NFATC2: variants seen among roughly 807,000 people sequenced by gnomAD.
NFATC2 encodes nuclear factor of activated T-cells, cytoplasmic 2.
NFATC2 carries 22 observed loss-of-function variants against 87.3 expected under a neutral mutation model. That is an observed-to-expected ratio of 0.25 (90% confidence interval 0.18 to 0.36). The LOEUF (loss-of-function observed/expected upper bound fraction) is 0.36, where lower values mean the gene tolerates loss of function less well. NFATC2 is among the 10% of genes least tolerant of loss of function. The pLI is 1.00. For missense variants in NFATC2, 1,149 were observed against 1,259.1 expected, an observed-to-expected ratio of 0.91 and a Z score of 1.32; for synonymous variants, 565 against 542.2, an observed-to-expected ratio of 1.04 and a Z score of -0.58.
chr20:51,542,045 G>C (rs1317314764), intron 1 of NFATC2, among the ~76,000 whole-genome samples: 4 of 152,164 alleles, frequency 2.6e-5, no homozygotes, highest in Non-Finnish European at 5.9e-5. Context: ...TGACAGCCCA[G>C]TCCCAGGCAA....
At chr20:51,518,911 C>A (rs950192209) in intron 2 of NFATC2, among the ~76,000 whole-genome samples, 1 of 152,196 alleles carries the variant, frequency 6.6e-6, no homozygotes, top group Non-Finnish European at 1.5e-5. Context: ...AACTATCCTC[C>A]TGCTTCAGCC....
chr20:51,525,805 CTGTT>C (rs2076535215), intron 1 of NFATC2, among the ~76,000 whole-genome samples: 1 of 152,104 alleles, frequency 6.6e-6, no homozygotes, highest in South Asian at 2.1e-4. Flanking sequence ...CTCTGTCAGT[CTGTT>C]TGTCACGCAG....
chr20:51,523,395 G>A lies in NFATC2; in HGVS notation c.846C>T (p.His282=), dbSNP rs759871951. 22 of 1,610,106 alleles carry A rather than the reference G, an allele frequency of 1.4e-5. No homozygotes were observed. The highest frequency in any genetic ancestry group is 1.9e-5 in the Non-Finnish European group (22 of 1,178,036). The change falls in exon 2 of 11, where the codon CAC becomes CAT. Residue 282 remains histidine, a synonymous_variant. Transcript: ENST00000371564. This position sits in a 1 kb window ranked among gnomAD's most constrained non-coding sequence, Gnocchi z 6.9. ...SRSPSPQPSS[H]VAPQDHGSPA... Reference sequence around the variant, plus strand: ...GGGAGCCGTGGTCCTGGGGTGCCACGTGAGATGAGGGCTGCGGCGAGGGGC... The same window carrying A: ...GGGAGCCGTGGTCCTGGGGTGCCACATGAGATGAGGGCTGCGGCGAGGGGC...
intron 6 of NFATC2, among the ~76,000 whole-genome samples, chr20:51,440,258 A>AAAAAAAAAAG (rs1984152912): frequency 7.1e-6 from 1 of 141,642 alleles, no homozygotes; most frequent in African/African-American, 2.5e-5. Flanking sequence ...AAAAAAAAAA[A>AAAAAAAAAAG]TGTTCAACAG....
intron 5 of NFATC2, among the ~76,000 whole-genome samples, chr20:51,458,987 T>C (rs941625040): frequency 3.9e-5 from 6 of 152,174 alleles, no homozygotes; most frequent in African/African-American, 1.4e-4. Flanking sequence ...CTGCCATCCC[T>C]GCTCTGTGAC....
chr20:51,492,840 C>T (rs539031062), intron 3 of NFATC2, among the ~76,000 whole-genome samples: 14 of 152,380 alleles, frequency 9.2e-5, no homozygotes, highest in Admixed American at 6.5e-4. Context: ...AAGTGAGCGC[C>T]GGCCGGGGCT....
chr20:51,457,496 T>C (rs570619728), intron 5 of NFATC2, among the ~76,000 whole-genome samples: 3 of 152,342 alleles, frequency 2.0e-5, no homozygotes, highest in Non-Finnish European at 4.4e-5. Flanking sequence ...GCAGCCTCGT[T>C]GCTTCCCCCT....
chr20:51,542,466 C>T lies in NFATC2; in HGVS notation c.34G>A (p.Gly12Ser), dbSNP rs779232595. Residue 12 changes from glycine (G) to serine (S), a missense_variant, in exon 1 of 11, where the codon GGC becomes AGC. Physicochemically the swap from Gly to Ser is moderately conservative, Grantham distance 56 (BLOSUM62 0). Around this residue, in one of 3 missense-constraint regions of NFATC2, gnomAD observed 563 missense variants for 585.2 expected, o/e 0.96. Coordinates refer to ENST00000371564, the MANE Select transcript of NFATC2 (RefSeq NM_012340.5). The part of the protein sequence containing the change: ...NAPERQPQPD[G>S]GDAPGHEPGG... ...GGCTCGTGGCCTGGGGCGTCCCCGC[C>T]GTCGGGTTGGGGCTGCCGCTCGGGG... 2.6e-6 allele frequency: 4 copies of T among 1,568,390 alleles called. No homozygotes were observed. The highest frequency in any genetic ancestry group is 2.6e-6 in the Non-Finnish European group (3 of 1,161,764).
At chr20:51,511,252 C>G (rs754943756) in intron 3 of NFATC2, among the ~76,000 whole-genome samples, 1 of 152,212 alleles carries the variant, frequency 6.6e-6, no homozygotes, top group South Asian at 2.1e-4. Context: ...TTGCCTGGCC[C>G]TCCTGGGCTT....
intron 5 of NFATC2, among the ~76,000 whole-genome samples, chr20:51,461,028 C>T (rs142146566): frequency 2.6e-4 from 40 of 152,294 alleles, no homozygotes; most frequent in African/African-American, 7.9e-4. Flanking sequence ...CACCTGAGGA[C>T]GGGGAACTCC....
intron 4 of NFATC2, among the ~76,000 whole-genome samples, chr20:51,475,083 C>T (rs927188712): frequency 6.6e-6 from 1 of 151,684 alleles, no homozygotes; most frequent in African/African-American, 2.4e-5. Context: ...ATTCTCCTGC[C>T]TCAGCCTCCA....
chr20:51,461,792 C>T (rs6123034), intron 5 of NFATC2, among the ~76,000 whole-genome samples: 2 of 152,294 alleles, frequency 1.3e-5, no homozygotes, highest in South Asian at 2.1e-4. Flanking sequence ...TAGAGAAATT[C>T]GCTCCTACAG....
At chr20:51,397,340 A>G (rs190028065) in intron 10 of NFATC2, among the ~76,000 whole-genome samples, 2 of 149,322 alleles carry the variant, frequency 1.3e-5, no homozygotes, top group Admixed American at 6.6e-5. Flanking sequence ...AAAGAACATA[A>G]AACCCTCAAT....
At chr20:51,506,380 C>CTTCTA (rs2076179865) in intron 3 of NFATC2, among the ~76,000 whole-genome samples, 1 of 152,160 alleles carries the variant, frequency 6.6e-6, no homozygotes, top group Non-Finnish European at 1.5e-5. Flanking sequence ...TTGCTAGAGT[C>CTTCTA]GGCCCATAGT....
chr20:51,398,175 G>GAATC (rs958277439), intron 10 of NFATC2, among the ~76,000 whole-genome samples: 4 of 150,942 alleles, frequency 2.7e-5, no homozygotes, highest in Non-Finnish European at 5.9e-5. Flanking sequence ...TGAGTGGAGG[G>GAATC]AATCAGGATT....
intron 9 of NFATC2, among the ~76,000 whole-genome samples, chr20:51,418,951 A>ACCCCGCCC (rs1555873322): frequency 6.9e-6 from 1 of 145,876 alleles, no homozygotes; most frequent in East Asian, 2.2e-4. Context: ...GGCGTGAGCC[A>ACCCCGCCC]CCCCCACCGC....
At chr20:51,466,306 G>A (rs948100265) in intron 5 of NFATC2, among the ~76,000 whole-genome samples, 2 of 152,126 alleles carry the variant, frequency 1.3e-5, no homozygotes, top group Non-Finnish European at 2.9e-5. Flanking sequence ...GCCCACTTCA[G>A]CCTCCCAAGG....
chr20:51,425,316 G>A (rs1214421697), intron 9 of NFATC2, among the ~76,000 whole-genome samples: 1 of 152,258 alleles, frequency 6.6e-6, no homozygotes, highest in Non-Finnish European at 1.5e-5. Context: ...GCCTTTTATT[G>A]GTGTCGGCTC....
intron 2 of NFATC2, among the ~76,000 whole-genome samples, chr20:51,522,588 A>G (rs1357581750): frequency 2.2e-5 from 2 of 91,210 alleles, no homozygotes; most frequent in East Asian, 5.5e-4. Flanking sequence ...TTTTTTTTTT[A>G]GGTCCTCCAT....
Sources: allele counts gnomAD v4.1 joint callset (sites outside exome capture counted in the v4.1 genomes callset), GRCh38; gene constraint gnomAD v4.1.1; regional missense constraint gnomAD v4.1.1; non-coding constraint Gnocchi (gnomAD v3.1); transcripts MANE v1.5; gene names NCBI Gene and HGNC (gene_info 2026-07-23, HGNC 2026-07-21).